RPS23: variants seen among roughly 807,000 people sequenced by gnomAD.
RPS23 encodes the protein ribosomal protein S23, also known as small ribosomal subunit protein uS12.
For synonymous variants in RPS23, 66 were observed against 60.4 expected (o/e 1.09, Z -0.43); for missense variants, 73 against 174.5 (o/e 0.42, Z 3.28).
In RPS23 at chr5:82,274,405, G is replaced by C. The variant is rs1053686035; in HGVS notation, c.*1704C>G. 2.0e-5 allele frequency: 3 copies of C among 152,200 alleles called. No homozygotes were observed. The highest frequency in any genetic ancestry group is 3.9e-4 in the East Asian group (2 of 5,176). 9.4% of individuals were successfully genotyped at this position (152,200 alleles called of 1,614,324 possible). The stretch of plus-strand genomic sequence containing the variant: ...CTGGCAGCCCCTGGGCCTCAGGTAG[G>C]ACTGCTTAGCAGTGAAAAGGGCGTC... On this transcript the variant is annotated 3_prime_UTR_variant, in exon 4 of 4. Coordinates refer to ENST00000296674, the MANE Select transcript of RPS23 (RefSeq NM_001025.5).
At position 82,277,919 on chromosome 5, in the gene RPS23, C is replaced by T; in HGVS notation, c.5-67G>A. ...TCTACGTGTTTCCCATCTTCTAAGA[C>T]ACTCGCCTCACCTGGAATAAACCCT... is the stretch of plus-strand genomic sequence containing the variant. On this transcript the variant is annotated intron_variant, in intron 1 of 3. Transcript: ENST00000296674. The T allele has an allele frequency of 2.2e-6, 3 of 1,371,100 alleles. No individual in the cohort carries two copies. The South Asian group carries it at 3.6e-5, about 17-fold the overall frequency. The allele number at this position is 1,371,100 out of a possible 1,614,324, so 84.9% of individuals were successfully genotyped here. A position where few individuals can be genotyped will look rare whatever the true frequency, so the allele number is the denominator to read the frequency against.
Position 82,274,866 on chromosome 5 carries a change from T to G in RPS23, c.*1243A>C, listed in dbSNP as rs903534034. On this transcript the variant is annotated 3_prime_UTR_variant, in exon 4 of 4. Transcript: ENST00000296674. ...AGAGACTAGCATCATCATCAAGAGATAAACCGAAGTGTGCTGGAAAACACA... is the reference window on the plus strand; with the variant it reads ...AGAGACTAGCATCATCATCAAGAGAGAAACCGAAGTGTGCTGGAAAACACA... 8.2e-6 allele frequency: 2 copies of G among 242,570 alleles called. No individual in the cohort carries two copies. Among genetic ancestry groups the G allele is most frequent in the South Asian group, 7.3e-5 (1 of 13,646 alleles). The allele number at this position is 242,570 out of a possible 1,614,324, so 15.0% of individuals were successfully genotyped here. A position where few individuals can be genotyped will look rare whatever the true frequency, so the allele number is the denominator to read the frequency against.
At chr5:82,277,406 T>G (rs1747888994) in intron 2 of RPS23, 3 of 428,216 alleles carry the variant, frequency 7.0e-6, no homozygotes, top group African/African-American at 4.0e-5. Context: ...TGCCATTTAC[T>G]TATAACAACT....
intron 2 of RPS23, chr5:82,277,387 G>C: frequency 2.6e-6 from 1 of 388,902 alleles, no homozygotes; most frequent in South Asian, 2.4e-5. Flanking sequence ...AAGTTCAATA[G>C]CTGACACGTG....
rs1227587311 is a variant in RPS23 at position 82,274,408 on chromosome 5, T to G, written c.*1701A>C. 4 of 152,130 alleles carry G rather than the reference T, an allele frequency of 2.6e-5. No homozygotes were observed. The East Asian group carries it at 7.7e-4, about 29-fold the overall frequency. 9.4% of individuals were successfully genotyped at this position (152,130 alleles called of 1,614,324 possible). ...GCAGCCCCTGGGCCTCAGGTAGGAC[T>G]GCTTAGCAGTGAAAAGGGCGTCCTG... On this transcript the variant is annotated 3_prime_UTR_variant, in exon 4 of 4. Coordinates refer to ENST00000296674, the MANE Select transcript of RPS23 (RefSeq NM_001025.5).
At position 82,275,947 on chromosome 5, in the gene RPS23, A is replaced by C. The variant is rs930928762; in HGVS notation, c.*162T>G. 6 of 639,852 alleles carry C rather than the reference A, an allele frequency of 9.4e-6. 1 individual carries two copies. The highest frequency in any genetic ancestry group is 4.3e-4 in the Middle Eastern group (1 of 2,304). 39.6% of individuals were successfully genotyped at this position (639,852 alleles called of 1,614,324 possible). A position where few individuals can be genotyped will look rare whatever the true frequency, so the allele number is the denominator to read the frequency against. ...AACAACCCTGTCTTATTGTCTCCTA[A>C]AATTGGTACAGGTCCTGCGTTTGCT... is the stretch of plus-strand genomic sequence containing the variant. On this transcript the variant is annotated 3_prime_UTR_variant, in exon 4 of 4. Transcript: ENST00000296674.
At position 82,274,346 on chromosome 5, in the gene RPS23, G is replaced by C. The variant is rs1392533932; in HGVS notation, c.*1763C>G. The C allele has an allele frequency of 6.6e-6, 1 of 152,544 alleles. No individual in the cohort carries two copies. Among genetic ancestry groups the C allele is most frequent in the South Asian group, 2.1e-4 (1 of 4,828 alleles). 9.4% of individuals were successfully genotyped at this position (152,544 alleles called of 1,614,324 possible). A position where few individuals can be genotyped will look rare whatever the true frequency, so the allele number is the denominator to read the frequency against. On this transcript the variant is annotated 3_prime_UTR_variant, in exon 4 of 4. Transcript: ENST00000296674. ...CTAAGATCAGGCTCAGCAGCTTCTG[G>C]ATCTGAGGCGCCGGAGATTATTTAT... is the stretch of plus-strand genomic sequence containing the variant.
rs559939300 is a variant in RPS23 at position 82,274,849 on chromosome 5, GCAT to G, written c.*1257_*1259del. 1.4e-4 allele frequency: 33 copies of G among 229,174 alleles called. No individual in the cohort carries two copies. The highest frequency in any genetic ancestry group is 1.3e-3 in the East Asian group (12 of 9,140). 14.2% of individuals were successfully genotyped at this position (229,174 alleles called of 1,614,324 possible). A position where few individuals can be genotyped will look rare whatever the true frequency, so the allele number is the denominator to read the frequency against. On this transcript the variant is annotated 3_prime_UTR_variant, in exon 4 of 4. Transcript: ENST00000296674. ...TCCGCCCTTGCGGAGGGAGAGACTAGCATCATCATCAAGAGATAAACCGAAGTG... is the reference window on the plus strand; with the variant it reads ...TCCGCCCTTGCGGAGGGAGAGACTAGCATCATCAAGAGATAAACCGAAGTG...
In RPS23 at chr5:82,273,577, G is replaced by A. The variant is rs567815940; in HGVS notation, c.*2532C>T. 6 of 149,252 alleles carry A rather than the reference G, an allele frequency of 4.0e-5. No homozygotes were observed. Among genetic ancestry groups the A allele is most frequent in the African/African-American group, 1.6e-4 (6 of 38,692 alleles). The allele number at this position is 149,252 out of a possible 1,614,324, so 9.2% of individuals were successfully genotyped here. The stretch of plus-strand genomic sequence containing the variant: ...TACGGATAACATCAGGTTCTAAGTC[G>A]TAAGTTGATTTTTAACTACTAGGTT... On this transcript the variant is annotated 3_prime_UTR_variant, in exon 4 of 4. Transcript: ENST00000296674.
In RPS23 at chr5:82,275,062, T is replaced by A. The variant is rs903439639; in HGVS notation, c.*1047A>T. On this transcript the variant is annotated 3_prime_UTR_variant, in exon 4 of 4. Coordinates refer to ENST00000296674, the MANE Select transcript of RPS23 (RefSeq NM_001025.5). ...AGGCTAAGGCTGGAATATGCAGGTA[T>A]GAAGCGCAACCTGGGTTCTTCTGTG... The A allele has an allele frequency of 1.8e-5, 11 of 600,246 alleles. No individual in the cohort carries two copies. The highest frequency in any genetic ancestry group is 2.7e-5 in the Non-Finnish European group (9 of 336,732). The allele number at this position is 600,246 out of a possible 1,614,324, so 37.2% of individuals were successfully genotyped here.
chr5:82,278,202 C>A, intron 1 of RPS23, 118 bp downstream of exon 1: 1 of 957,774 alleles, frequency 1.0e-6, no homozygotes, highest in Non-Finnish European at 1.6e-6. Flanking sequence ...CTTCCCCGGC[C>A]CTCCCCCATG....
intron 3 of RPS23, 59 bp downstream of exon 3, chr5:82,276,339 T>A: frequency 6.2e-7 from 1 of 1,612,782 alleles, no homozygotes. Context: ...TTGCATCAGA[T>A]AAAAATGTGA....
At position 82,275,612 on chromosome 5, in the gene RPS23, T is replaced by C. The variant is rs1747756210; in HGVS notation, c.*497A>G. On this transcript the variant is annotated 3_prime_UTR_variant, in exon 4 of 4. Coordinates refer to ENST00000296674, the MANE Select transcript of RPS23 (RefSeq NM_001025.5). ...ATAATAAACAGAGTGGGGAGCAATT[T>C]TGAGTTTACTATTTATCATCTTGGG... The C allele has an allele frequency of 2.8e-6, 1 of 363,032 alleles. No individual in the cohort carries two copies. Among genetic ancestry groups the C allele is most frequent in the East Asian group, 4.8e-5 (1 of 20,642 alleles). 22.5% of individuals were successfully genotyped at this position (363,032 alleles called of 1,614,324 possible). A position where few individuals can be genotyped will look rare whatever the true frequency, so the allele number is the denominator to read the frequency against.
rs1747763550 is a variant in RPS23 at position 82,275,942 on chromosome 5, T to A, written c.*167A>T. On this transcript the variant is annotated 3_prime_UTR_variant, in exon 4 of 4. Transcript: ENST00000296674. ...CCTGAAACAACCCTGTCTTATTGTC[T>A]CCTAAAATTGGTACAGGTCCTGCGT... 4.8e-6 allele frequency: 3 copies of A among 624,690 alleles called. No individual in the cohort carries two copies. Among genetic ancestry groups the A allele is most frequent in the Admixed American group, 3.2e-5 (1 of 31,508 alleles). 38.7% of individuals were successfully genotyped at this position (624,690 alleles called of 1,614,324 possible). A position where few individuals can be genotyped will look rare whatever the true frequency, so the allele number is the denominator to read the frequency against.
chr5:82,276,431 A>G lies in RPS23; in HGVS notation c.252T>C (p.Phe84=). The G allele has an allele frequency of 6.2e-7, 1 of 1,613,996 alleles. No individual in the cohort carries two copies. Among genetic ancestry groups the G allele is most frequent in the Non-Finnish European group, 8.5e-7 (1 of 1,179,894 alleles). Residue 84 remains phenylalanine (F), a synonymous_variant, in exon 3 of 4, where the codon TTT becomes TTC. Transcript: ENST00000296674. ...LIKNGKKITA[F]VPNDGCLNFI... is the part of the protein sequence containing the mutation. ...AGTTCAAGCAACCGTCATTGGGTAC[A>G]AAGGCTGTGATTTTCTTGCCATTCT...
intron 3 of RPS23, 27 bp downstream of exon 3, chr5:82,276,371 A>C: frequency 1.2e-6 from 2 of 1,613,810 alleles, no homozygotes; most frequent in East Asian, 4.5e-5. Flanking sequence ...CCAAGAACAG[A>C]AGGTACGATA....
chr5:82,278,260 C>G, intron 1 of RPS23, 60 bp downstream of exon 1: 2 of 1,583,614 alleles, frequency 1.3e-6, no homozygotes, highest in South Asian at 2.3e-5. Flanking sequence ...CATCCGCCCG[C>G]CCGTCCCCAA....
chr5:82,276,356 C>T (rs1747774119), intron 3 of RPS23, 42 bp downstream of exon 3: 1 of 1,613,188 alleles, frequency 6.2e-7, no homozygotes, highest in Non-Finnish European at 8.5e-7. Flanking sequence ...GTGAGGGAGG[C>T]CACCCCAAGA....
chr5:82,277,532 A>G (rs896759541), intron 2 of RPS23, 161 bp downstream of exon 2: 62 of 752,356 alleles, frequency 8.2e-5, no homozygotes, highest in East Asian at 1.5e-4. Flanking sequence ...AACTAATTTT[A>G]CCAACTTTTA....
Sources: gnomAD v4.1 joint callset for allele counts on GRCh38, gnomAD v4.1.1 for gene constraint, MANE v1.5 for transcripts, NCBI Gene and HGNC (gene_info 2026-07-23, HGNC 2026-07-21) for gene names.